Variants in EFCAB13 observed in about 807,000 individuals in gnomAD.
EFCAB13 encodes the protein EF-hand calcium-binding domain-containing protein 13.
A neutral mutation model predicts 110.2 loss-of-function variants in EFCAB13; 91 were observed. That is an observed-to-expected ratio of 0.83 (90% CI 0.70 to 0.98). The LOEUF (loss-of-function observed/expected upper bound fraction) is 0.98, where lower values mean the gene tolerates loss of function less well. Ranked by LOEUF, EFCAB13 falls within the 50% of genes least tolerant of loss-of-function variation. The probability of loss-of-function intolerance (pLI) is 0.00; values close to 1 mark genes in which losing one functional copy is unlikely to be tolerated. For synonymous variants in EFCAB13, 323 were observed against 369.9 expected (o/e 0.87, Z 1.45); for missense variants, 968 against 1,119.4 (o/e 0.86, Z 1.93).
chr17:47,352,506 G>T (rs1307054702), intron 9 of EFCAB13, among the ~76,000 whole-genome samples: 1 of 152,070 alleles, frequency 6.6e-6, no homozygotes, highest in Non-Finnish European at 1.5e-5. Flanking sequence ...AGTATAATTT[G>T]ATGTCAGGTA....
chr17:47,396,625 T>C (rs374986597), intron 17 of EFCAB13, among the ~76,000 whole-genome samples: 103 of 152,332 alleles, frequency 6.8e-4, no homozygotes, highest in South Asian at 4.6e-3. Context: ...GTTTATATTC[T>C]TTTATGTGGA....
rs1281681535 is a variant in EFCAB13, at chr17:47,395,451, G to C, written c.1802-383G>C. Among the ~76,000 whole-genome samples, 7 of 152,284 alleles carry C rather than the reference G, an allele frequency of 4.6e-5. No individual in the cohort carries two copies. The East Asian group carries it at 1.4e-3, about 29-fold the overall frequency. On this transcript the variant is annotated intron_variant, in intron 16 of 24. Coordinates refer to ENST00000331493, the MANE Select transcript of EFCAB13 (RefSeq NM_152347.5). ...CTTCTTTTTGTTGTCTACAGTGGTA[G>C]ATTGAAGAGGAAGTAGGAGCCAGAG...
At chr17:47,391,662 C>A in intron 15 of EFCAB13, 82 bp downstream of exon 15, 3 of 1,268,906 alleles carry the variant, frequency 2.4e-6, no homozygotes, top group South Asian at 3.4e-5. Context: ...AGAAAAATGA[C>A]TAATTTTTTT....
At chr17:47,405,644 C>G (rs1232718837) in intron 20 of EFCAB13, among the ~76,000 whole-genome samples, 1 of 151,726 alleles carries the variant, frequency 6.6e-6, no homozygotes, top group Non-Finnish European at 1.5e-5. Flanking sequence ...CAGCCCTATG[C>G]ACTTCTAATT....
rs140821148 is a variant in EFCAB13, at chr17:47,395,036, C to T, written c.1802-798C>T. Among the ~76,000 whole-genome samples, 15 of 152,160 alleles carry T rather than the reference C, an allele frequency of 9.9e-5. No individual in the cohort carries two copies. The East Asian group carries it at 1.7e-3, about 18-fold the overall frequency. On this transcript the variant is annotated intron_variant, in intron 16 of 24. Transcript: ENST00000331493. ...GGGACCTTATATCCCTTTACCCCTC[C>T]GCTTTCTCCTAATCCATCAGTCTCC...
chr17:47,362,265 C>A (rs566921065), intron 10 of EFCAB13, among the ~76,000 whole-genome samples: 1 of 152,048 alleles, frequency 6.6e-6, no homozygotes, highest in East Asian at 1.9e-4. Flanking sequence ...ACAATCATAA[C>A]CTAGGAAAAA....
intron 14 of EFCAB13, among the ~76,000 whole-genome samples, chr17:47,386,789 T>C (rs181908358): frequency 1.6e-4 from 24 of 152,266 alleles, no homozygotes; most frequent in Non-Finnish European, 3.1e-4. Flanking sequence ...TCTCCTGGTC[T>C]GTGGATTGCA....
At chr17:47,332,804 G>A (rs1402019612) in intron 4 of EFCAB13, among the ~76,000 whole-genome samples, 2 of 152,028 alleles carry the variant, frequency 1.3e-5, no homozygotes, top group Non-Finnish European at 2.9e-5. Context: ...TTTTCTTTAT[G>A]TATTCATCTG....
chr17:47,425,832 G>A (rs1904933325), intron 23 of EFCAB13, among the ~76,000 whole-genome samples: 1 of 152,100 alleles, frequency 6.6e-6, no homozygotes, highest in Non-Finnish European at 1.5e-5. Context: ...AGACGAAGAG[G>A]GAAAAATAAA....
chr17:47,427,413 T>A (rs998905011), intron 23 of EFCAB13, among the ~76,000 whole-genome samples: 3 of 152,118 alleles, frequency 2.0e-5, no homozygotes, highest in Non-Finnish European at 4.4e-5. Flanking sequence ...CACATTTTGC[T>A]TTTATATCCA....
intron 22 of EFCAB13, among the ~76,000 whole-genome samples, chr17:47,413,146 T>TA (rs1686361823): frequency 1.3e-5 from 2 of 152,322 alleles, no homozygotes; most frequent in African/African-American, 4.8e-5. Flanking sequence ...ATTCATTACT[T>TA]ATAAGCATGG....
At chr17:47,385,764 G>A (rs1182559678) in intron 14 of EFCAB13, among the ~76,000 whole-genome samples, 3 of 152,090 alleles carry the variant, frequency 2.0e-5, no homozygotes, top group African/African-American at 7.2e-5. Context: ...GTGCTGGTTT[G>A]TCCTCATCTT....
chr17:47,324,877 A>G (rs1165116220), intron 2 of EFCAB13, among the ~76,000 whole-genome samples: 2 of 147,770 alleles, frequency 1.4e-5, no homozygotes, highest in African/African-American at 2.5e-5. Context: ...GCTGGGTTCA[A>G]TTTCTTTACC....
chr17:47,425,678 A>G (rs1735811261), intron 23 of EFCAB13, among the ~76,000 whole-genome samples: 1 of 152,188 alleles, frequency 6.6e-6, no homozygotes, highest in Non-Finnish European at 1.5e-5. Flanking sequence ...ACACAGATAG[A>G]AACTTGAACG....
intron 11 of EFCAB13, among the ~76,000 whole-genome samples, chr17:47,374,023 AT>A (rs1175398515): frequency 1.3e-5 from 2 of 152,078 alleles, no homozygotes; most frequent in East Asian, 1.9e-4. Flanking sequence ...ATATGAAGTT[AT>A]TTTTTCCTCC....
intron 17 of EFCAB13, among the ~76,000 whole-genome samples, chr17:47,398,174 G>A (rs2065756747): frequency 7.0e-6 from 1 of 143,136 alleles, no homozygotes; most frequent in South Asian, 2.3e-4. Context: ...CCTCTGCCCA[G>A]CCGCCCCTAC....
intron 5 of EFCAB13, among the ~76,000 whole-genome samples, chr17:47,339,112 C>T (rs974983108): frequency 2.0e-5 from 3 of 151,738 alleles, no homozygotes; most frequent in Non-Finnish European, 2.9e-5. Context: ...GCTGAGTTCA[C>T]CTGAAGCTGT....
intron 11 of EFCAB13, among the ~76,000 whole-genome samples, chr17:47,370,963 C>G (rs2143349039): frequency 6.6e-6 from 1 of 151,558 alleles, no homozygotes; most frequent in East Asian, 1.9e-4. Flanking sequence ...TGGTCTTGAA[C>G]TCCTGACCTC....
rs2065414677 is a variant in EFCAB13, at chr17:47,346,181, A to G, written c.517+1083A>G. ...TCATCTTGTGTAACTGAAATTTTAT[A>G]CTCACTGATTAGCAACTCACTATTT... On this transcript the variant is annotated intron_variant, in intron 8 of 24. Transcript: ENST00000331493. Among the ~76,000 whole-genome samples, 4 of 152,252 alleles carry G rather than the reference A, an allele frequency of 2.6e-5. No individual in the cohort carries two copies. The South Asian group carries it at 8.3e-4, about 32-fold the overall frequency.
Sources: allele counts gnomAD v4.1 joint callset (sites outside exome capture counted in the v4.1 genomes callset), GRCh38; gene constraint gnomAD v4.1.1; transcripts MANE v1.5; gene names NCBI Gene and HGNC (gene_info 2026-07-23, HGNC 2026-07-21).